The following DBT variants were observed in gnomAD, a reference collection of about 807,000 sequenced individuals.
DBT encodes the protein dihydrolipoamide branched chain transacylase E2, also known as lipoamide acyltransferase component of branched-chain alpha-keto acid dehydrogenase complex, mitochondrial.
Under a neutral mutation model 51.3 loss-of-function variants are expected in DBT, and 40 were observed. That is an observed-to-expected ratio of 0.78 (90% CI 0.61 to 1.02). The LOEUF is 1.02. Ranked by LOEUF, DBT falls within the 50% of genes least tolerant of loss-of-function variation. The probability of loss-of-function intolerance (pLI) is 0.00; values close to 1 mark genes in which losing one functional copy is unlikely to be tolerated. For synonymous variants in DBT, 181 were observed against 190.4 expected, an observed-to-expected ratio of 0.95 and a Z score of 0.41; for missense variants, 510 against 580.2, an observed-to-expected ratio of 0.88 and a Z score of 1.24.
chr1:100,203,240 A>G (rs1055462458), intron 10 of DBT, among the ~76,000 whole-genome samples: 2 of 152,212 alleles, frequency 1.3e-5, no homozygotes, highest in African/African-American at 4.8e-5. Context: ...AGAATCAAAT[A>G]GACACAATAA....
At chr1:100,242,869 A>G (rs2100848603) in intron 1 of DBT, among the ~76,000 whole-genome samples, 1 of 152,342 alleles carries the variant, frequency 6.6e-6, no homozygotes, top group South Asian at 2.1e-4. Flanking sequence ...AGAAGGTCTT[A>G]CCTTCAACAA....
intron 10 of DBT, among the ~76,000 whole-genome samples, chr1:100,200,248 T>C (rs1482318889): frequency 1.3e-5 from 2 of 152,092 alleles, no homozygotes. Flanking sequence ...TACTGAGGCT[T>C]GAGTAGGCGG....
chr1:100,196,775 A>C, intron 10 of DBT: 1 of 226,578 alleles, frequency 4.4e-6, no homozygotes, highest in South Asian at 7.2e-5. Context: ...AGAGACAGAC[A>C]ATTAAATAAG....
At chr1:100,230,690 C>A in intron 4 of DBT, 43 bp downstream of exon 4, 1 of 1,323,568 alleles carries the variant, frequency 7.6e-7, no homozygotes, top group Admixed American at 1.9e-5. Flanking sequence ...CAAAAAGAGA[C>A]CAATAATCAA....
At chr1:100,217,461 T>C (rs1662562784) in intron 5 of DBT, among the ~76,000 whole-genome samples, 1 of 152,234 alleles carries the variant, frequency 6.6e-6, no homozygotes, top group Non-Finnish European at 1.5e-5. Context: ...TGAATGTGTA[T>C]GCATCTTCTA....
At chr1:100,246,222 C>T (rs902359121) in intron 1 of DBT, among the ~76,000 whole-genome samples, 2 of 152,116 alleles carry the variant, frequency 1.3e-5, no homozygotes, top group African/African-American at 2.4e-5. Context: ...TGCACCACTG[C>T]ACTCCAGCCT....
At position 100,188,929 on chromosome 1, in the gene DBT, G is replaced by A. The variant is rs1441962280; in HGVS notation, c.*7326C>T. ...AATTTGCTTGTGGTTAAAAGCCTTTGTGCTCAGTACTGAGACTGCCACATA... is the reference window on the plus strand; with the variant it reads ...AATTTGCTTGTGGTTAAAAGCCTTTATGCTCAGTACTGAGACTGCCACATA... On this transcript the variant is annotated 3_prime_UTR_variant, in exon 11 of 11. Transcript: ENST00000370132. 1 of 152,176 alleles carries A rather than the reference G, an allele frequency of 6.6e-6. No homozygotes were observed. The highest frequency in any genetic ancestry group is 1.9e-4 in the East Asian group (1 of 5,194). 9.4% of individuals were successfully genotyped at this position (152,176 alleles called of 1,614,324 possible).
intron 1 of DBT, among the ~76,000 whole-genome samples, chr1:100,241,703 T>C (rs1196741510): frequency 6.6e-6 from 1 of 152,070 alleles, no homozygotes; most frequent in Non-Finnish European, 1.5e-5. Flanking sequence ...GGCCATAATA[T>C]CTTATTTGGA....
At chr1:100,230,680 CA>C (rs1663499876) in intron 4 of DBT, 52 bp downstream of exon 4, 2 of 1,213,348 alleles carry the variant, frequency 1.6e-6, no homozygotes, top group Non-Finnish European at 2.4e-6. Context: ...GACCCAATGA[CA>C]AAAAGAGACC....
chr1:100,203,052 G>A (rs911261587), intron 10 of DBT, among the ~76,000 whole-genome samples: 2 of 152,082 alleles, frequency 1.3e-5, no homozygotes, highest in African/African-American at 4.8e-5. Flanking sequence ...AGAAGCAAGA[G>A]CAAACACGTT....
chr1:100,226,283 C>CTTT (rs71084810), intron 4 of DBT, among the ~76,000 whole-genome samples: 2 of 86,658 alleles, frequency 2.3e-5, no homozygotes, highest in Admixed American at 1.3e-4. Flanking sequence ...TAAATTATGC[C>CTTT]TTTTTTTTTT....
In DBT at chr1:100,218,669, G is replaced by GC; in HGVS notation, c.511_512insG (p.Thr171SerfsTer17). ...ACGGCGAACTGCAGGAGTTGCCAGTGTTTTTCGGCCCTTTATCTCTTGGTG... is the reference window on the plus strand; with the variant it reads ...ACGGCGAACTGCAGGAGTTGCCAGTGCTTTTTCGGCCCTTTATCTCTTGGTG... On this transcript the variant is annotated frameshift_variant, in exon 5 of 11. Transcript: ENST00000370132. LOFTEE classifies it high-confidence loss of function. 1 of 1,613,946 alleles carries GC rather than the reference G, an allele frequency of 6.2e-7. No homozygotes were observed. Among genetic ancestry groups the GC allele is most frequent in the Non-Finnish European group, 8.5e-7 (1 of 1,179,956 alleles).
At chr1:100,228,201 G>C (rs546663671) in intron 4 of DBT, among the ~76,000 whole-genome samples, 6 of 152,230 alleles carry the variant, frequency 3.9e-5, no homozygotes, top group Admixed American at 3.9e-4. Flanking sequence ...ATAACGACTA[G>C]AGGAACAAGT....
chr1:100,211,115 A>C, intron 7 of DBT: 1 of 779,242 alleles, frequency 1.3e-6, no homozygotes, highest in Non-Finnish European at 2.4e-6. Flanking sequence ...GATTTCCATG[A>C]GAAGTAATAC....
intron 7 of DBT, among the ~76,000 whole-genome samples, chr1:100,211,996 T>A (rs185681948): frequency 6.6e-6 from 1 of 152,272 alleles, no homozygotes; most frequent in East Asian, 1.9e-4. Flanking sequence ...GGTCTTGAAC[T>A]CCTGAGCTCA....
chr1:100,245,783 T>C (rs1327652557), intron 1 of DBT, among the ~76,000 whole-genome samples: 2 of 151,846 alleles, frequency 1.3e-5, no homozygotes, highest in East Asian at 1.9e-4. Flanking sequence ...TGAGACTTTG[T>C]CTACTAAAAA....
Position 100,223,583 on chromosome 1 carries a change from C to T in DBT, c.434-4836G>A, listed in dbSNP as rs531458494. ...CTGGGCTCAAGCGATCCTCCCACCTCAGCCTCCTGCATAGCTGGGACTACA... is the reference window on the plus strand; with the variant it reads ...CTGGGCTCAAGCGATCCTCCCACCTTAGCCTCCTGCATAGCTGGGACTACA... On this transcript the variant is annotated intron_variant, in intron 4 of 10. Coordinates refer to ENST00000370132, the MANE Select transcript of DBT (RefSeq NM_001918.5). Among the ~76,000 whole-genome samples the T allele has an allele frequency of 4.1e-4, 62 of 152,312 alleles. No homozygotes were observed. In the South Asian group the frequency reaches 0.013, roughly 31 times the overall value.
rs1355557940 is a variant in DBT at position 100,189,764 on chromosome 1, GC to G, written c.*6490del. ...TCTTCTTTTAGGCAAACTGAAATTT[GC>G]CATTAGAGAAGGGAGTTCTTTGTTT... is the stretch of plus-strand genomic sequence containing the variant. On this transcript the variant is annotated 3_prime_UTR_variant, in exon 11 of 11. Transcript: ENST00000370132. 6.6e-6 allele frequency: 1 copy of G among 152,150 alleles called. No homozygotes were observed. Among genetic ancestry groups the G allele is most frequent in the Non-Finnish European group, 1.5e-5 (1 of 68,018 alleles). 9.4% of individuals were successfully genotyped at this position (152,150 alleles called of 1,614,324 possible).
intron 2 of DBT, 148 bp downstream of exon 2, chr1:100,240,612 TG>T: frequency 1.4e-6 from 1 of 698,246 alleles, no homozygotes; most frequent in Non-Finnish European, 2.6e-6. Context: ...AAGTGAGAAC[TG>T]GAAAAATGTG....
Sources: allele counts gnomAD v4.1 joint callset (sites outside exome capture counted in the v4.1 genomes callset), GRCh38; gene constraint gnomAD v4.1.1; transcripts MANE v1.5; gene names NCBI Gene and HGNC (gene_info 2026-07-23, HGNC 2026-07-21).